ADAMTSL1: variants seen among roughly 807,000 people sequenced by gnomAD.
ADAMTSL1 encodes ADAMTS-like protein 1.
In ADAMTSL1, 126 loss-of-function variants were observed where a neutral mutation model predicts 201.8. The observed-to-expected ratio is 0.62, with a 90% CI of 0.54 to 0.72. The LOEUF (loss-of-function observed/expected upper bound fraction) is 0.72, where lower values mean the gene tolerates loss of function less well. Ranked by LOEUF, ADAMTSL1 falls within the 30% of genes least tolerant of loss-of-function variation. The pLI is 0.00. For synonymous variants in ADAMTSL1, 1,121 were observed against 903.4 expected, an observed-to-expected ratio of 1.24 and a Z score of -4.32; for missense variants, 2,679 against 2,277.8, an observed-to-expected ratio of 1.18 and a Z score of -3.59.
At chr9:18,029,746 T>G (rs557782233) in intron 1 of ADAMTSL1, among the ~76,000 whole-genome samples, 1 of 152,096 alleles carries the variant, frequency 6.6e-6, no homozygotes. Context: ...AGGATATGAA[T>G]AGACACTTCT....
chr9:18,176,546 A>C (rs1450490925), intron 2 of ADAMTSL1, among the ~76,000 whole-genome samples: 3 of 152,084 alleles, frequency 2.0e-5, no homozygotes, highest in Non-Finnish European at 4.4e-5. Flanking sequence ...AGAGGGTAAC[A>C]TTTCCCTCTC....
intron 23 of ADAMTSL1, among the ~76,000 whole-genome samples, chr9:18,868,260 T>C (rs1827666353): frequency 6.6e-6 from 1 of 152,234 alleles, no homozygotes. Context: ...TTAAGATCCT[T>C]GTCTACCAAT....
At chr9:18,203,026 A>T (rs1168098357) in intron 2 of ADAMTSL1, among the ~76,000 whole-genome samples, 5 of 152,108 alleles carry the variant, frequency 3.3e-5, no homozygotes, top group Non-Finnish European at 7.4e-5. Flanking sequence ...GGAACTCCCG[A>T]GGTCCCCAAG....
chr9:18,017,419 G>T (rs1178468751), intron 1 of ADAMTSL1, among the ~76,000 whole-genome samples: 1 of 151,716 alleles, frequency 6.6e-6, no homozygotes, highest in African/African-American at 2.4e-5. Context: ...AGTTTGTTTT[G>T]TAATCCCCCC....
chr9:18,648,531 G>C (rs1162791817), intron 7 of ADAMTSL1, among the ~76,000 whole-genome samples: 1 of 151,622 alleles, frequency 6.6e-6, no homozygotes, highest in Non-Finnish European at 1.5e-5. Flanking sequence ...GGTACCGGTT[G>C]TTCCTTTCCA....
chr9:18,545,424 A>G (rs1189301706), intron 3 of ADAMTSL1, among the ~76,000 whole-genome samples: 1 of 152,208 alleles, frequency 6.6e-6, no homozygotes, highest in African/African-American at 2.4e-5. Flanking sequence ...CTGAGATCCA[A>G]AAAGTTTAAG....
At position 18,681,899 on chromosome 9, in the gene ADAMTSL1, A is replaced by G. The variant is rs1484847641; in HGVS notation, c.1429A>G (p.Lys477Glu). 1.9e-6 allele frequency: 3 copies of G among 1,614,042 alleles called. No individual in the cohort carries two copies. Among genetic ancestry groups the G allele is most frequent in the African/African-American group, 1.3e-5 (1 of 74,920 alleles). The change falls in exon 12 of 29, where the codon AAA (lysine) becomes GAA (glutamate). Residue 477 changes from lysine (K) to glutamate (E), a missense_variant. By Grantham distance (56) the Lys-to-Glu change is moderately conservative. Transcript: ENST00000380548. ...AATGCACACAGGAGGCTGTAGCCCAAAAACAAAGCCCCACATAAAAGAGGA... is the reference window on the plus strand; with the variant it reads ...AATGCACACAGGAGGCTGTAGCCCAGAAACAAAGCCCCACATAAAAGAGGA... ...RGMHTGGCSP[K>E]TKPHIKEECI...
chr9:18,259,229 C>T (rs1377928310), intron 2 of ADAMTSL1, among the ~76,000 whole-genome samples: 7 of 152,148 alleles, frequency 4.6e-5, no homozygotes, highest in Admixed American at 4.6e-4. Flanking sequence ...AATGAAAGGC[C>T]CATATAGCCA....
At chr9:18,594,190 C>CT (rs1824108939) in intron 4 of ADAMTSL1, among the ~76,000 whole-genome samples, 1 of 152,044 alleles carries the variant, frequency 6.6e-6, no homozygotes, top group African/African-American at 2.4e-5. Context: ...TATTTTCCCA[C>CT]TCCTTCCTGG....
chr9:18,319,062 AT>A (rs1327002673), intron 2 of ADAMTSL1, among the ~76,000 whole-genome samples: 1 of 151,886 alleles, frequency 6.6e-6, no homozygotes, highest in Admixed American at 6.5e-5. Flanking sequence ...TTTTTAAACA[AT>A]TTTTTCTGGG....
intron 1 of ADAMTSL1, among the ~76,000 whole-genome samples, chr9:18,033,052 C>G (rs1339206774): frequency 6.6e-6 from 1 of 152,166 alleles, no homozygotes; most frequent in Non-Finnish European, 1.5e-5. Flanking sequence ...GCCTAGTTAG[C>G]CATCTTGTCC....
intron 1 of ADAMTSL1, among the ~76,000 whole-genome samples, chr9:18,010,586 A>G (rs908929200): frequency 9.2e-5 from 14 of 151,990 alleles, no homozygotes; most frequent in African/African-American, 3.4e-4. Context: ...TGTCAATTCC[A>G]TGGGAAGTTA....
At chr9:18,073,709 G>A (rs997593156) in intron 1 of ADAMTSL1, among the ~76,000 whole-genome samples, 4 of 152,154 alleles carry the variant, frequency 2.6e-5, no homozygotes, top group African/African-American at 9.7e-5. Flanking sequence ...TAAGATAGAA[G>A]ACAACATGGT....
intron 1 of ADAMTSL1, among the ~76,000 whole-genome samples, chr9:18,097,070 T>A (rs1280507809): frequency 1.3e-5 from 2 of 152,204 alleles, no homozygotes; most frequent in Non-Finnish European, 2.9e-5. Flanking sequence ...TACAGTCCCT[T>A]GTCCACCTTC....
intron 1 of ADAMTSL1, among the ~76,000 whole-genome samples, chr9:18,133,339 C>T (rs970797351): frequency 6.6e-6 from 1 of 152,118 alleles, no homozygotes; most frequent in Non-Finnish European, 1.5e-5. Context: ...GATTGCCAGT[C>T]CCAGCTCTAG....
chr9:18,298,795 G>A (rs1353063425), intron 2 of ADAMTSL1, among the ~76,000 whole-genome samples: 1 of 151,800 alleles, frequency 6.6e-6, no homozygotes, highest in African/African-American at 2.4e-5. Context: ...AGGCCGCAGC[G>A]GGCGGATCAC....
intron 23 of ADAMTSL1, among the ~76,000 whole-genome samples, chr9:18,870,228 T>G (rs1477124032): frequency 2.5e-4 from 38 of 152,238 alleles, no homozygotes; most frequent in Non-Finnish European, 4.4e-5. Flanking sequence ...TGGTTTCTGT[T>G]GACAGCTCTT....
intron 16 of ADAMTSL1, among the ~76,000 whole-genome samples, chr9:18,767,102 G>C (rs1247909441): frequency 6.6e-6 from 1 of 152,170 alleles, no homozygotes; most frequent in African/African-American, 2.4e-5. Context: ...GGAAGACTGA[G>C]AGAGAAGTAG....
rs1466499461 is a variant in ADAMTSL1, at chr9:18,436,773, T to C, written c.208-68056T>C. Among the ~76,000 whole-genome samples the C allele has an allele frequency of 6.6e-5, 10 of 152,234 alleles. No individual in the cohort carries two copies. The East Asian group carries it at 1.7e-3, about 26-fold the overall frequency. ...GAACCACATCATTTTTTCTCAGCCA[T>C]CATCATGGAATCCTTTCTCCTACAC... On this transcript the variant is annotated intron_variant, in intron 2 of 29. Coordinates refer to the ADAMTSL1 transcript ENST00000680146.
Sources: gnomAD v4.1 joint callset for allele counts (sites outside exome capture counted in the v4.1 genomes callset) on GRCh38, gnomAD v4.1.1 for gene constraint, MANE v1.5 for transcripts, NCBI Gene and HGNC (gene_info 2026-07-23, HGNC 2026-07-21) for gene names.